COL27A1: variants seen among roughly 807,000 people sequenced by gnomAD.
COL27A1 encodes the protein collagen type XXVII alpha 1 chain.
In COL27A1, 106 loss-of-function variants were observed where a neutral mutation model predicts 251.3. The ratio of observed to expected loss-of-function variants is 0.42; its 90% confidence interval spans 0.36 to 0.50. The LOEUF is 0.50. Among genes scored for constraint, COL27A1 ranks in the 20% least tolerant of loss-of-function variants. The pLI, the probability that COL27A1 is intolerant of heterozygous loss-of-function variation, is 0.00. For synonymous variants in COL27A1, 1,000 were observed against 986.3 expected (o/e 1.01, Z -0.26); for missense variants, 2,325 against 2,522.8 (o/e 0.92, Z 1.68).
chr9:114,228,447 G>C (rs991785391), intron 14 of COL27A1, among the ~76,000 whole-genome samples: 1 of 152,214 alleles, frequency 6.6e-6, no homozygotes. Flanking sequence ...AGCCAGAGGG[G>C]CCTGTGGACA....
Position 114,169,358 on chromosome 9 carries a change from C to A in COL27A1, c.1803C>A (p.Ser601Arg), listed in dbSNP as rs749060672. The A allele has an allele frequency of 6.2e-7, 1 of 1,611,392 alleles. No individual in the cohort carries two copies. The highest frequency in any genetic ancestry group is 1.7e-4 in the Middle Eastern group (1 of 6,056). The change falls in exon 3 of 61, where the codon AGC (serine) becomes AGA (arginine). Residue 601 changes from serine to arginine, a missense_variant. Coordinates refer to ENST00000356083, the MANE Select transcript of COL27A1 (RefSeq NM_032888.4). ...CCCCGGCGCAATTCCTGTCCTCCAGCCCCCGGCCCACGAGCAGTGGCTATT... is the reference window on the plus strand; with the variant it reads ...CCCCGGCGCAATTCCTGTCCTCCAGACCCCGGCCCACGAGCAGTGGCTATT... ...VLAPAQFLSSSPRPTSSGYSI... is the reference protein window; with the variant it reads ...VLAPAQFLSSRPRPTSSGYSI...
chr9:114,306,269 C>A, intron 57 of COL27A1: 1 of 431,022 alleles, frequency 2.3e-6, no homozygotes, highest in Admixed American at 3.9e-5. Context: ...CTGCCTGTCC[C>A]ATATCAGAGA....
chr9:114,263,773 C>G (rs1319412040), intron 28 of COL27A1, among the ~76,000 whole-genome samples: 1 of 152,154 alleles, frequency 6.6e-6, no homozygotes, highest in Admixed American at 6.5e-5. Flanking sequence ...GACTCCCACT[C>G]CCTCGTGCAA....
intron 2 of COL27A1, among the ~76,000 whole-genome samples, chr9:114,164,671 G>C (rs1848709646): frequency 6.6e-6 from 1 of 152,208 alleles, no homozygotes; most frequent in Admixed American, 6.5e-5. Flanking sequence ...CTTACCTCTT[G>C]TCCAACCAAA....
chr9:114,246,792 A>G (rs1254312399), intron 24 of COL27A1, among the ~76,000 whole-genome samples: 2 of 152,106 alleles, frequency 1.3e-5, no homozygotes, highest in Non-Finnish European at 2.9e-5. Context: ...AAATCTTTCC[A>G]GTGTCATTCG....
chr9:114,297,278 G>A (rs1588890294), intron 49 of COL27A1, among the ~76,000 whole-genome samples: 1 of 152,252 alleles, frequency 6.6e-6, no homozygotes, highest in South Asian at 2.1e-4. Context: ...ATAGGAGACA[G>A]CCATCAGAGT....
At chr9:114,227,509 A>T (rs544626233) in intron 14 of COL27A1, among the ~76,000 whole-genome samples, 164 of 152,234 alleles carry the variant, frequency 1.1e-3, no homozygotes, top group African/African-American at 3.9e-3. Context: ...AGTGGGACTG[A>T]CAATGGTGCT....
At chr9:114,306,727 G>T in intron 58 of COL27A1, 39 bp downstream of exon 58, 1 of 1,603,184 alleles carries the variant, frequency 6.2e-7, no homozygotes, top group Non-Finnish European at 8.5e-7. Flanking sequence ...GCGCCTGGCG[G>T]TGGGGAGCTG....
At chr9:114,302,019 C>G (rs1588897192) in intron 55 of COL27A1, 63 bp from the exon 56 acceptor site, 1 of 1,495,906 alleles carries the variant, frequency 6.7e-7, no homozygotes, top group African/African-American at 1.4e-5. Flanking sequence ...GGTCTCCTGA[C>G]ACCCTCTCAG....
At chr9:114,173,292 C>G (rs1475796694) in intron 3 of COL27A1, among the ~76,000 whole-genome samples, 1 of 152,254 alleles carries the variant, frequency 6.6e-6, no homozygotes, top group Non-Finnish European at 1.5e-5. Context: ...GCAAATGTCC[C>G]CTCGGGAAGA....
At chr9:114,174,440 C>T (rs943981856) in intron 3 of COL27A1, among the ~76,000 whole-genome samples, 5 of 152,026 alleles carry the variant, frequency 3.3e-5, no homozygotes, top group African/African-American at 9.7e-5. Context: ...GGGCCATGGG[C>T]GAATACAGCT....
chr9:114,228,882 C>T (rs954236044), intron 14 of COL27A1, among the ~76,000 whole-genome samples: 8 of 152,022 alleles, frequency 5.3e-5, no homozygotes, highest in Admixed American at 2.6e-4. Context: ...AGTTCAATGA[C>T]GCTATCACAG....
chr9:114,181,254 T>C (rs141294305), intron 4 of COL27A1, among the ~76,000 whole-genome samples: 28 of 152,012 alleles, frequency 1.8e-4, no homozygotes, highest in Admixed American at 3.9e-4. Flanking sequence ...CAGTGTTTGG[T>C]GGACTGCAGG....
intron 5 of COL27A1, among the ~76,000 whole-genome samples, chr9:114,193,310 G>A (rs1337742997): frequency 1.3e-5 from 2 of 152,312 alleles, no homozygotes; most frequent in East Asian, 1.9e-4. Flanking sequence ...GGAGCACCCC[G>A]TGACAGACAT....
chr9:114,250,592 G>T, intron 24 of COL27A1, 23 bp from the exon 25 acceptor site: 1 of 1,609,502 alleles, frequency 6.2e-7, no homozygotes, highest in South Asian at 1.1e-5. Flanking sequence ...TGTTTCTCTT[G>T]CTTTCGGGAA....
chr9:114,246,072 A>G lies in COL27A1; in HGVS notation c.2979+162A>G, dbSNP rs1833111621. The G allele has an allele frequency of 1.4e-5, 8 of 585,700 alleles. 1 individual carries two copies. In the South Asian group the frequency reaches 1.9e-4, roughly 14 times the overall value. The allele number at this position is 585,700 out of a possible 1,614,324, so 36.3% of individuals were successfully genotyped here. On this transcript the variant is annotated intron_variant, in intron 24 of 60. Coordinates refer to ENST00000356083, the MANE Select transcript of COL27A1 (RefSeq NM_032888.4). ...ACCCCTTTCACGAATGTGGACGGTG[A>G]CCCTCAGAACGGGGAAGTCTGTAAA... is the stretch of plus-strand genomic sequence containing the variant.
intron 12 of COL27A1, chr9:114,217,756 T>C (rs1830798336): frequency 2.1e-6 from 1 of 470,460 alleles, no homozygotes; most frequent in Non-Finnish European, 4.4e-6. Flanking sequence ...GGAGTTGCTT[T>C]CCTCTCCTAC....
In COL27A1 at chr9:114,278,485, ATGG is replaced by A. The variant is rs1161432599; in HGVS notation, c.3717+2728_3717+2730del. ...GGTGGTGGTGATGGTGGTGGTGATA[ATGG>A]TGGTGGTGGTACTAATGATAGTGGT... On this transcript the variant is annotated intron_variant, in intron 37 of 60. Transcript: ENST00000356083. Among the ~76,000 whole-genome samples the A allele has an allele frequency of 4.3e-3, 330 of 75,918 alleles. 4 individuals carry two copies. Among genetic ancestry groups the A allele is most frequent in the African/African-American group, 0.016 (302 of 19,136 alleles). The allele number at this position is 75,918 out of a possible 152,430, so 49.8% of individuals were successfully genotyped here.
At position 114,168,041 on chromosome 9, in the gene COL27A1, G is replaced by T; in HGVS notation, c.486G>T (p.Glu162Asp). Residue 162 changes from glutamate (E) to aspartate (D), a missense_variant, in exon 3 of 61, where the codon GAG becomes GAT. Glu to Asp is a conservative substitution (Grantham distance 45). Transcript: ENST00000356083. ...GGCGCTGGCACCACCTGGCCCTCGA[G>T]CTCCGAGGCCGCACAGTCACTCTGG... Reference protein sequence around the residue: ...HDGRWHHLALELRGRTVTLVT... With the variant: ...HDGRWHHLALDLRGRTVTLVT... 1 of 1,606,376 alleles carries T rather than the reference G, an allele frequency of 6.2e-7. No homozygotes were observed. Among genetic ancestry groups the T allele is most frequent in the Non-Finnish European group, 8.5e-7 (1 of 1,179,744 alleles).
Sources: gnomAD v4.1 joint callset for allele counts (sites outside exome capture counted in the v4.1 genomes callset) on GRCh38, gnomAD v4.1.1 for gene constraint, MANE v1.5 for transcripts, NCBI Gene and HGNC (gene_info 2026-07-23, HGNC 2026-07-21) for gene names.